Variants in GSTM4 observed in about 807,000 individuals in gnomAD.
GSTM4 encodes the protein GST class-mu 4.
In GSTM4, 27 loss-of-function variants were observed where a neutral mutation model predicts 30.1. The observed-to-expected ratio is 0.90, with a 90% CI of 0.66 to 1.24. GSTM4 has a LOEUF of 1.24. Ranked by LOEUF, GSTM4 falls within the 50% of genes most tolerant of loss-of-function variation. GSTM4 has a pLI of 0.00. For missense variants in GSTM4, 238 were observed against 272.1 expected (o/e 0.87, Z 0.88); for synonymous variants, 94 against 96.2 (o/e 0.98, Z 0.13).
chr1:109,657,175 T>C (rs777355128), intron 2 of GSTM4, 40 bp from the exon 3 acceptor site: 1 of 1,606,322 alleles, frequency 6.2e-7, no homozygotes, highest in Non-Finnish European at 8.5e-7. Context: ...AGGGCTGGGC[T>C]CTGGGGAGGT....
At chr1:109,664,907 C>T (rs1429521570), downstream of GSTM4, 13 of 1,227,814 alleles carry the variant, frequency 1.1e-5, no homozygotes, top group African/African-American at 1.5e-5. Flanking sequence ...CATTCTCTAC[C>T]TGTGGCTTAG....
intron 3 of GSTM4, 54 bp downstream of exon 3, chr1:109,657,333 G>C: frequency 6.3e-7 from 1 of 1,593,534 alleles, no homozygotes; most frequent in South Asian, 1.1e-5. Flanking sequence ...GTCTCTGACT[G>C]CATCTCCTCT....
chr1:109,665,743 A>G (rs1647300412), downstream of GSTM4, among the ~76,000 whole-genome samples: 2 of 152,200 alleles, frequency 1.3e-5, no homozygotes, highest in African/African-American at 4.8e-5. Context: ...TTGAGGGAAG[A>G]TATTCTCTTT....
downstream of GSTM4, among the ~76,000 whole-genome samples, chr1:109,667,435 C>T (rs760573672): frequency 6.6e-5 from 10 of 152,056 alleles, no homozygotes; most frequent in Non-Finnish European, 2.9e-5. Context: ...TCCCCAAGTC[C>T]ACCAGCCCCT....
At position 109,657,198 on chromosome 1, in the gene GSTM4, C is replaced by A. The variant is rs1391789789; in HGVS notation, c.113-17C>A. 2.5e-6 allele frequency: 4 copies of A among 1,612,166 alleles called. No homozygotes were observed. In the South Asian group the frequency reaches 3.3e-5, roughly 13 times the overall value. On this transcript the variant is annotated splice_polypyrimidine_tract_variant and intron_variant, in intron 2 of 7. Coordinates refer to ENST00000369836, the MANE Select transcript of GSTM4 (RefSeq NM_000850.5). ...GCTCTGGGGAGGTTTGTTTTCACTT[C>A]TTCTTCCCCACGGCAGCTCCTGACT... is the stretch of plus-strand genomic sequence containing the variant.
chr1:109,665,373 C>A (rs1442452679), downstream of GSTM4: 2 of 320,548 alleles, frequency 6.2e-6, no homozygotes, highest in Non-Finnish European at 1.2e-5. Context: ...TGAATGATAC[C>A]ACTGGCTTTC....
Position 109,661,460 on chromosome 1 carries a change from C to T in GSTM4, c.*206C>T. The T allele has an allele frequency of 7.0e-7, 1 of 1,423,408 alleles. No homozygotes were observed. The highest frequency in any genetic ancestry group is 9.2e-7 in the Non-Finnish European group (1 of 1,084,582). 88.2% of individuals were successfully genotyped at this position (1,423,408 alleles called of 1,614,324 possible). ...GCAGGCCCTTTGAAGCCTCAGCTAC[C>T]CACTTTCCTTCATGAACATCCCCCT... On this transcript the variant is annotated 3_prime_UTR_variant, in exon 8 of 8. Coordinates refer to ENST00000369836, the MANE Select transcript of GSTM4 (RefSeq NM_000850.5).
At chr1:109,663,485 G>A (rs190295900), downstream of GSTM4, among the ~76,000 whole-genome samples, 35 of 152,236 alleles carry the variant, frequency 2.3e-4, no homozygotes, top group African/African-American at 7.7e-4. Context: ...GACCAACATG[G>A]TGAAACCCCG....
intron 2 of GSTM4, 69 bp downstream of exon 2, chr1:109,656,856 C>A (rs1381825844): frequency 4.1e-6 from 6 of 1,470,260 alleles, no homozygotes; most frequent in Non-Finnish European, 5.7e-6. Flanking sequence ...CCATGGTGGC[C>A]ACCTGTGGCT....
At chr1:109,665,761 G>T (rs1230509685), downstream of GSTM4, among the ~76,000 whole-genome samples, 3 of 152,166 alleles carry the variant, frequency 2.0e-5, no homozygotes, top group African/African-American at 4.8e-5. Context: ...TTTTCTCCTG[G>T]TAAATCTCCC....
chr1:109,661,513 G>A lies in GSTM4; in HGVS notation c.*259G>A. On this transcript the variant is annotated 3_prime_UTR_variant, in exon 8 of 8. Transcript: ENST00000369836. ...CAACACTACCCTTCCCTGCACTAAAGCCAGCCTGACCTTCCTTCCTGTTAG... is the reference window on the plus strand; with the variant it reads ...CAACACTACCCTTCCCTGCACTAAAACCAGCCTGACCTTCCTTCCTGTTAG... 1.9e-5 allele frequency: 25 copies of A among 1,348,230 alleles called. No individual in the cohort carries two copies. Among genetic ancestry groups the A allele is most frequent in the Non-Finnish European group, 2.4e-5 (25 of 1,043,378 alleles). 83.5% of individuals were successfully genotyped at this position (1,348,230 alleles called of 1,614,324 possible).
intron 1 of GSTM4, 91 bp downstream of exon 1, chr1:109,656,516 T>A: frequency 7.4e-7 from 1 of 1,350,786 alleles, no homozygotes; most frequent in Non-Finnish European, 1.0e-6. Context: ...GTTCCCTCCT[T>A]AGGGCTATCT....
At chr1:109,665,869 G>A (rs1308072924), downstream of GSTM4, among the ~76,000 whole-genome samples, 1 of 152,176 alleles carries the variant, frequency 6.6e-6, no homozygotes, top group Non-Finnish European at 1.5e-5. Flanking sequence ...AGGCTTGGAA[G>A]GGTGGGTGAA....
chr1:109,656,603 TGG>T lies in GSTM4; in HGVS notation c.37-100_37-99del, dbSNP rs140231844. ...GTGTGTGTGTGTGCGTGCGCCGGGG[TGG>T]GGGGGGGGTGCAGTGCAGTGTAGAC... On this transcript the variant is annotated intron_variant, in intron 1 of 7. Transcript: ENST00000369836. The T allele has an allele frequency of 1.3e-3, 668 of 496,258 alleles. 1 individual carries two copies. Among genetic ancestry groups the T allele is most frequent in the East Asian group, 4.7e-3 (118 of 25,122 alleles). 30.7% of individuals were successfully genotyped at this position (496,258 alleles called of 1,614,324 possible). A position where few individuals can be genotyped will look rare whatever the true frequency, so the allele number is the denominator to read the frequency against.
At chr1:109,664,921 A>C (rs559636841), downstream of GSTM4, 198 of 1,449,314 alleles carry the variant, frequency 1.4e-4, 1 homozygote, top group Non-Finnish European at 1.8e-4. Context: ...GGCTTAGTCA[A>C]CTCCTGGAGA....
At chr1:109,658,164 G>A in intron 5 of GSTM4, 1 of 440,324 alleles carries the variant, frequency 2.3e-6, no homozygotes, top group Non-Finnish European at 4.2e-6. Flanking sequence ...TAACCCAGCT[G>A]GTTCATGCCA....
downstream of GSTM4, chr1:109,665,338 C>T (rs141993486): frequency 1.3e-3 from 587 of 457,834 alleles, 2 homozygotes; most frequent in African/African-American, 4.7e-3. Flanking sequence ...CCCACCCCCA[C>T]CTTTGTTCTG....
In GSTM4 at chr1:109,656,195, C is replaced by A. The variant is rs534194918; in HGVS notation, c.-195C>A. The A allele has an allele frequency of 3.4e-5, 22 of 638,974 alleles. No individual in the cohort carries two copies. The highest frequency in any genetic ancestry group is 3.9e-4 in the Middle Eastern group (1 of 2,592). The allele number at this position is 638,974 out of a possible 1,614,324, so 39.6% of individuals were successfully genotyped here. On this transcript the variant is annotated 5_prime_UTR_variant, in exon 1 of 8. Coordinates refer to ENST00000369836, the MANE Select transcript of GSTM4 (RefSeq NM_000850.5). ...GATCCAGCAACCTGCTCCGTGCCTC[C>A]CGCGCCTGTTGGTTGGAAGTGACGA...
downstream of GSTM4, among the ~76,000 whole-genome samples, chr1:109,663,507 A>G (rs1407932420): frequency 6.6e-6 from 1 of 152,130 alleles, no homozygotes; most frequent in East Asian, 1.9e-4. Context: ...CTCTACTAAA[A>G]ATACAAAAAT....
Sources: gnomAD v4.1 joint callset for allele counts (sites outside exome capture counted in the v4.1 genomes callset) on GRCh38, gnomAD v4.1.1 for gene constraint, MANE v1.5 for transcripts, NCBI Gene and HGNC (gene_info 2026-07-23, HGNC 2026-07-21) for gene names.